Variants in LRPAP1 observed in about 807,000 individuals in gnomAD.
LRPAP1 encodes LDL receptor related protein associated protein 1, also known as alpha-2-macroglobulin receptor-associated protein.
LRPAP1 carries 41 observed loss-of-function variants against 39.9 expected under a neutral mutation model. The ratio of observed to expected loss-of-function variants is 1.03; its 90% CI spans 0.80 to 1.33. The LOEUF is 1.33. LRPAP1 is among the 40% of genes most tolerant of loss of function. The pLI, the probability that LRPAP1 is intolerant of heterozygous loss-of-function variation, is 0.00. For synonymous variants in LRPAP1, 263 were observed against 212.7 expected, an observed-to-expected ratio of 1.24 and a Z score of -2.06; for missense variants, 565 against 482.3, an observed-to-expected ratio of 1.17 and a Z score of -1.61.
chr4:3,532,099 G>A lies in LRPAP1; in HGVS notation c.204+110C>T, dbSNP rs1432251154. The A allele has an allele frequency of 3.2e-6, 4 of 1,245,760 alleles. No homozygotes were observed. In the African/African-American group the frequency reaches 4.6e-5, roughly 14 times the overall value. The allele number at this position is 1,245,760 out of a possible 1,614,324, so 77.2% of individuals were successfully genotyped here. A position where few individuals can be genotyped will look rare whatever the true frequency, so the allele number is the denominator to read the frequency against. ...CAAGGACAGGGCGCGTAGGGCACAG[G>A]TGCCCCGGCTGCGCCCCCCTCCGCC... On this transcript the variant is annotated intron_variant, in intron 1 of 7. Coordinates refer to ENST00000650182, the MANE Select transcript of LRPAP1 (RefSeq NM_002337.4).
chr4:3,530,031 A>G (rs1730201178), intron 1 of LRPAP1, among the ~76,000 whole-genome samples: 1 of 152,196 alleles, frequency 6.6e-6, no homozygotes, highest in Non-Finnish European at 1.5e-5. Context: ...GGGGCGATCC[A>G]AGACCCCGTC....
intron 1 of LRPAP1, among the ~76,000 whole-genome samples, chr4:3,529,460 G>A (rs933981607): frequency 5.3e-5 from 8 of 152,202 alleles, no homozygotes; most frequent in African/African-American, 1.9e-4. Context: ...TGCAGACCCT[G>A]GAGCTTACTC....
At chr4:3,526,113 G>A (rs997707444) in intron 1 of LRPAP1, among the ~76,000 whole-genome samples, 2 of 152,254 alleles carry the variant, frequency 1.3e-5, no homozygotes, top group African/African-American at 2.4e-5. Context: ...AGGCTGCACC[G>A]CATGCCTGTA....
At chr4:3,527,516 T>C (rs1393188160) in intron 1 of LRPAP1, among the ~76,000 whole-genome samples, 1 of 152,242 alleles carries the variant, frequency 6.6e-6, no homozygotes, top group Non-Finnish European at 1.5e-5. Flanking sequence ...TCCCCGTGGC[T>C]GCTGCTACCC....
intron 7 of LRPAP1, among the ~76,000 whole-genome samples, chr4:3,514,511 G>A (rs1398657441): frequency 2.6e-5 from 4 of 152,230 alleles, no homozygotes; most frequent in Non-Finnish European, 4.4e-5. Flanking sequence ...GTGGCCCGCC[G>A]GGGCCTGCGC....
At position 3,512,864 on chromosome 4, in the gene LRPAP1, G is replaced by A. The variant is rs999797439; in HGVS notation, c.*110C>T. The A allele has an allele frequency of 7.8e-6, 7 of 896,898 alleles. No individual in the cohort carries two copies. The South Asian group carries it at 8.1e-5, about 10-fold the overall frequency. 55.6% of individuals were successfully genotyped at this position (896,898 alleles called of 1,614,324 possible). On this transcript the variant is annotated 3_prime_UTR_variant, in exon 8 of 8. Transcript: ENST00000650182. Reference sequence around the variant, plus strand: ...AACAATCCTTCCTGCCTCGACACCCGTGCCAGCCCCAGCCACCCTGACGGC... The same window carrying A: ...AACAATCCTTCCTGCCTCGACACCCATGCCAGCCCCAGCCACCCTGACGGC...
Position 3,506,255 on chromosome 4 carries a change from G to A in LRPAP1, c.*6719C>T, listed in dbSNP as rs1371062573. On this transcript the variant is annotated 3_prime_UTR_variant, in exon 8 of 8. Coordinates refer to ENST00000650182, the MANE Select transcript of LRPAP1 (RefSeq NM_002337.4). The stretch of plus-strand genomic sequence containing the variant: ...TAATTTTTGTATTTTTAGTAGAGAT[G>A]GGATTTTGTGATGTTGGCCAGGCTG... 6.6e-6 allele frequency: 1 copy of A among 152,030 alleles called. No individual in the cohort carries two copies. 9.4% of individuals were successfully genotyped at this position (152,030 alleles called of 1,614,324 possible).
intron 5 of LRPAP1, 144 bp downstream of exon 5, chr4:3,517,890 G>T (rs2498328): frequency 9.6e-7 from 1 of 1,038,184 alleles, no homozygotes; most frequent in Admixed American, 2.9e-5. Context: ...GTGACCACCC[G>T]TGGGTAGACT....
At chr4:3,525,149 G>A (rs1327084088) in intron 1 of LRPAP1, 98 bp from the exon 2 acceptor site, 9 of 1,409,956 alleles carry the variant, frequency 6.4e-6, no homozygotes, top group Non-Finnish European at 8.9e-6. Flanking sequence ...GGGAGGTTCT[G>A]GGAGACCAGG....
At chr4:3,527,557 C>T (rs1231385344) in intron 1 of LRPAP1, among the ~76,000 whole-genome samples, 2 of 152,230 alleles carry the variant, frequency 1.3e-5, no homozygotes, top group Non-Finnish European at 2.9e-5. Flanking sequence ...TGCTGCACTG[C>T]CCGGGAGGGT....
intron 7 of LRPAP1, among the ~76,000 whole-genome samples, chr4:3,513,668 C>T (rs1422333247): frequency 3.3e-5 from 5 of 152,160 alleles, no homozygotes; most frequent in African/African-American, 4.8e-5. Context: ...CTGGGAAAGG[C>T]GCCTTCCTCC....
At chr4:3,518,369 T>A (rs185982036) in intron 4 of LRPAP1, among the ~76,000 whole-genome samples, 177 bp from the exon 5 acceptor site, 2 of 96,142 alleles carry the variant, frequency 2.1e-5, no homozygotes, top group Admixed American at 1.4e-4. Context: ...CAGCTTCCTT[T>A]CCAGGCGAGA....
At chr4:3,521,177 G>A (rs1400014241) in intron 2 of LRPAP1, among the ~76,000 whole-genome samples, 1 of 152,138 alleles carries the variant, frequency 6.6e-6, no homozygotes, top group Admixed American at 6.5e-5. Flanking sequence ...TTGCCTGCCC[G>A]CCCTTTCCTG....
chr4:3,527,084 T>C (rs1016961763), intron 1 of LRPAP1, among the ~76,000 whole-genome samples: 4 of 151,716 alleles, frequency 2.6e-5, no homozygotes, highest in African/African-American at 9.7e-5. Flanking sequence ...GACAGTCTTT[T>C]GTCTGGGCCC....
intron 1 of LRPAP1, among the ~76,000 whole-genome samples, chr4:3,525,799 G>C (rs1730063097): frequency 6.6e-6 from 1 of 152,226 alleles, no homozygotes; most frequent in South Asian, 2.1e-4. Flanking sequence ...TGACCGCTGG[G>C]CACACTGCTT....
intron 5 of LRPAP1, 35 bp downstream of exon 5, chr4:3,517,999 C>A (rs1372276962): frequency 6.4e-7 from 1 of 1,560,834 alleles, no homozygotes; most frequent in Non-Finnish European, 8.7e-7. Context: ...GACGGCCCCA[C>A]CCTCGGGAAC....
At chr4:3,531,285 C>T (rs73197160) in intron 1 of LRPAP1, among the ~76,000 whole-genome samples, 2,865 of 152,282 alleles carry the variant, frequency 0.019, 43 homozygotes, top group Middle Eastern at 0.078. Context: ...CTGTCCCCCA[C>T]CTGTTTCTCC....
chr4:3,526,117 G>A (rs1730072843), intron 1 of LRPAP1, among the ~76,000 whole-genome samples: 1 of 152,254 alleles, frequency 6.6e-6, no homozygotes, highest in Non-Finnish European at 1.5e-5. Flanking sequence ...TGCACCGCAT[G>A]CCTGTAGTGA....
chr4:3,520,303 A>G (rs1278163349), intron 2 of LRPAP1, 110 bp from the exon 3 acceptor site: 5 of 1,173,122 alleles, frequency 4.3e-6, no homozygotes, highest in Non-Finnish European at 6.1e-6. Flanking sequence ...CTCATTTTCC[A>G]GTAGTTTCCT....
Sources: allele counts gnomAD v4.1 joint callset (sites outside exome capture counted in the v4.1 genomes callset), GRCh38; gene constraint gnomAD v4.1.1; transcripts MANE v1.5; gene names NCBI Gene and HGNC (gene_info 2026-07-23, HGNC 2026-07-21).